PHACTR3: variants seen among roughly 807,000 people sequenced by gnomAD.
The protein encoded by PHACTR3 is phosphatase and actin regulator 3, also known as protein phosphatase 1, regulatory subunit 123.
A neutral mutation model predicts 66.8 loss-of-function variants in PHACTR3; 16 were observed. The ratio of observed to expected loss-of-function variants is 0.24; its 90% confidence interval spans 0.16 to 0.36. PHACTR3 has a LOEUF of 0.36. Ranked by LOEUF, PHACTR3 falls within the 10% of genes least tolerant of loss-of-function variation. The probability of loss-of-function intolerance (pLI) is 1.00; values close to 1 mark genes in which losing one functional copy is unlikely to be tolerated. For missense variants in PHACTR3, 647 were observed against 719.9 expected (o/e 0.90, Z 1.16); for synonymous variants, 323 against 292.1 (o/e 1.11, Z -1.08).
At chr20:59,772,815 C>T (rs2040401882) in intron 5 of PHACTR3, among the ~76,000 whole-genome samples, 1 of 152,172 alleles carries the variant, frequency 6.6e-6, no homozygotes, top group South Asian at 2.1e-4. Context: ...AAATTTATTC[C>T]TTACTGTTCT....
At chr20:59,694,094 T>C (rs138824552) in intron 1 of PHACTR3, among the ~76,000 whole-genome samples, 1 of 152,192 alleles carries the variant, frequency 6.6e-6, no homozygotes, top group African/African-American at 2.4e-5. Flanking sequence ...GGCCCTGTAT[T>C]TTATGTCATA....
chr20:59,609,246 A>G (rs1369454806), intron 1 of PHACTR3, among the ~76,000 whole-genome samples: 1 of 152,120 alleles, frequency 6.6e-6, no homozygotes, highest in Admixed American at 6.5e-5. Context: ...CACATTCCCC[A>G]GGCCCTGGGC....
intron 1 of PHACTR3, among the ~76,000 whole-genome samples, chr20:59,590,600 G>A (rs956047356): frequency 6.6e-6 from 1 of 152,224 alleles, no homozygotes; most frequent in Non-Finnish European, 1.5e-5. Flanking sequence ...ACAGATCCAC[G>A]CCAGCCCTCC....
In PHACTR3 at chr20:59,688,496, T is replaced by C. The variant is rs145715477; in HGVS notation, c.119-54611T>C. Among the ~76,000 whole-genome samples the C allele has an allele frequency of 2.0e-5, 3 of 152,330 alleles. No homozygotes were observed. In the East Asian group the frequency reaches 5.8e-4, roughly 29 times the overall value. On this transcript the variant is annotated intron_variant, in intron 1 of 12. Coordinates refer to ENST00000371015, the MANE Select transcript of PHACTR3 (RefSeq NM_080672.5). The stretch of plus-strand genomic sequence containing the variant: ...CTAGTCGGCTTTATCTTTTGGATTC[T>C]GAGAATGTTGTCAGTGATCATGTTT...
chr20:59,615,850 A>G, intron 1 of PHACTR3, among the ~76,000 whole-genome samples: 1 of 152,126 alleles, frequency 6.6e-6, no homozygotes, highest in East Asian at 1.9e-4. Flanking sequence ...TGGTTGGGGG[A>G]GCAGGAAAGT....
chr20:59,651,284 T>C (rs2035451133), intron 1 of PHACTR3, among the ~76,000 whole-genome samples: 1 of 152,232 alleles, frequency 6.6e-6, no homozygotes, highest in Non-Finnish European at 1.5e-5. Flanking sequence ...TAAAGTAGCG[T>C]AACTTTTCAT....
At chr20:59,841,560 G>C (rs765148283) in intron 11 of PHACTR3, 25 bp downstream of exon 11, 1 of 1,605,132 alleles carries the variant, frequency 6.2e-7, no homozygotes, top group Non-Finnish European at 8.5e-7. Flanking sequence ...GTGCTGGTGG[G>C]GGGTGTTGGA....
At chr20:59,768,194 T>A (rs2040245932) in intron 5 of PHACTR3, among the ~76,000 whole-genome samples, 1 of 152,238 alleles carries the variant, frequency 6.6e-6, no homozygotes. Flanking sequence ...ATTTTTTATC[T>A]GGAATTGACT....
intron 4 of PHACTR3, among the ~76,000 whole-genome samples, chr20:59,764,162 T>C (rs1242681015): frequency 6.6e-6 from 1 of 152,122 alleles, no homozygotes; most frequent in Non-Finnish European, 1.5e-5. Context: ...TGAAGTCTTA[T>C]GTGGAGATCA....
chr20:59,722,212 G>A (rs6070926), intron 1 of PHACTR3, among the ~76,000 whole-genome samples: 54,755 of 151,222 alleles, frequency 0.36, 12,751 homozygotes, highest in African/African-American at 0.67. Flanking sequence ...AGCCTGGGCA[G>A]CAGAGTGAGA....
intron 8 of PHACTR3, among the ~76,000 whole-genome samples, chr20:59,816,882 T>C (rs1485354894): frequency 6.6e-6 from 1 of 152,058 alleles, no homozygotes; most frequent in Non-Finnish European, 1.5e-5. Flanking sequence ...GCTGGATGAA[T>C]AGGTAGATGG....
chr20:59,641,192 C>T lies in PHACTR3; in HGVS notation c.118+36060C>T, dbSNP rs1295387692. 4.6e-5 allele frequency among the ~76,000 whole-genome samples: 7 copies of T among 152,222 alleles called. No individual in the cohort carries two copies. In the East Asian group the frequency reaches 7.7e-4, roughly 17 times the overall value. Reference sequence around the variant, plus strand: ...CTCTGTTCATCTATCCATCCATTATCGTATCTATCATCTATCCATTCATCC... The same window carrying T: ...CTCTGTTCATCTATCCATCCATTATTGTATCTATCATCTATCCATTCATCC... On this transcript the variant is annotated intron_variant, in intron 1 of 12. Transcript: ENST00000371015.
intron 8 of PHACTR3, among the ~76,000 whole-genome samples, chr20:59,826,751 G>A (rs981238681): frequency 6.6e-6 from 1 of 152,138 alleles, no homozygotes; most frequent in Non-Finnish European, 1.5e-5. Context: ...TCCCTGCAGG[G>A]TGCGTCTCTC....
At position 59,608,779 on chromosome 20, in the gene PHACTR3, C is replaced by A. The variant is rs138057743; in HGVS notation, c.118+3647C>A. Among the ~76,000 whole-genome samples the A allele has an allele frequency of 2.9e-3, 439 of 152,344 alleles. 1 individual carries two copies. The highest frequency in any genetic ancestry group is 9.8e-3 in the African/African-American group (409 of 41,580). On this transcript the variant is annotated intron_variant, in intron 1 of 12. Coordinates refer to ENST00000371015, the MANE Select transcript of PHACTR3 (RefSeq NM_080672.5). ...CTGTGTTCTGCCCGGTCCTTCCAGT[C>A]CTTCAGACCTGTTCCCCACCCCAGG...
Position 59,605,081 on chromosome 20 carries a change from G to T in PHACTR3, c.67G>T (p.Val23Phe). The T allele has an allele frequency of 7.1e-7, 1 of 1,418,400 alleles. No individual in the cohort carries two copies. The highest frequency in any genetic ancestry group is 9.3e-7 in the Non-Finnish European group (1 of 1,080,076). 87.9% of individuals were successfully genotyped at this position (1,418,400 alleles called of 1,614,324 possible). A position where few individuals can be genotyped will look rare whatever the true frequency, so the allele number is the denominator to read the frequency against. The change falls in exon 1 of 13, where the codon GTC (valine) becomes TTC (phenylalanine). Residue 23 changes from valine (V) to phenylalanine (F), a missense_variant. Physicochemically the swap from Val to Phe is conservative, Grantham distance 50 (BLOSUM62 -1). Transcript: ENST00000371015. Reference sequence around the variant, plus strand: ...GGGCCGCTCGCAGAGTGACCCCAGCGTCCTCACCGACTCCTCGGCCACCTC... The same window carrying T: ...GGGCCGCTCGCAGAGTGACCCCAGCTTCCTCACCGACTCCTCGGCCACCTC... ...SRGRSQSDPSVLTDSSATSSA... is the reference protein window; with the variant it reads ...SRGRSQSDPSFLTDSSATSSA...
intron 8 of PHACTR3, among the ~76,000 whole-genome samples, chr20:59,817,426 G>T (rs889709747): frequency 1.3e-5 from 2 of 152,252 alleles, no homozygotes; most frequent in African/African-American, 4.8e-5. Flanking sequence ...GGAAGTCTCT[G>T]GTGGAAACAA....
At chr20:59,824,747 A>G (rs2042136397) in intron 8 of PHACTR3, among the ~76,000 whole-genome samples, 1 of 152,188 alleles carries the variant, frequency 6.6e-6, no homozygotes, top group Non-Finnish European at 1.5e-5. Flanking sequence ...ATTGACCACC[A>G]GGGAATGCCC....
chr20:59,645,556 G>A (rs778904611), intron 1 of PHACTR3, among the ~76,000 whole-genome samples: 5 of 152,070 alleles, frequency 3.3e-5, no homozygotes, highest in Non-Finnish European at 7.4e-5. Flanking sequence ...TCCTCGTCCT[G>A]CTTGATTTGA....
chr20:59,620,303 C>G (rs1037376833), intron 1 of PHACTR3, among the ~76,000 whole-genome samples: 1 of 152,188 alleles, frequency 6.6e-6, no homozygotes, highest in Non-Finnish European at 1.5e-5. Context: ...AGTAAGTCAT[C>G]AAAAAGAAGA....
Sources: allele counts gnomAD v4.1 joint callset (sites outside exome capture counted in the v4.1 genomes callset), GRCh38; gene constraint gnomAD v4.1.1; transcripts MANE v1.5; gene names NCBI Gene and HGNC (gene_info 2026-07-23, HGNC 2026-07-21).